HNRNPR: variants seen among roughly 807,000 people sequenced by gnomAD.
The protein encoded by HNRNPR is heterogeneous nuclear ribonucleoprotein R.
In HNRNPR, 4 loss-of-function variants were observed where a neutral mutation model predicts 70.3. That is an observed-to-expected ratio of 0.06 (90% CI 0.03 to 0.13). HNRNPR has a LOEUF of 0.13. Among genes scored for constraint, HNRNPR ranks in the 10% least tolerant of loss-of-function variants. The pLI, the probability that HNRNPR is intolerant of heterozygous loss-of-function variation, is 1.00. For missense variants in HNRNPR, 423 were observed against 788.5 expected (o/e 0.54, Z 5.55); for synonymous variants, 241 against 267.6 (o/e 0.90, Z 0.97).
chr1:23,311,144 T>C (rs1193249852), intron 10 of HNRNPR, 57 bp downstream of exon 10: 1 of 1,609,554 alleles, frequency 6.2e-7, no homozygotes, highest in Admixed American at 1.7e-5. Flanking sequence ...ATTAATCTGA[T>C]CTCCATTATC....
intron 5 of HNRNPR, among the ~76,000 whole-genome samples, chr1:23,328,032 T>G: frequency 6.7e-6 from 1 of 149,232 alleles, no homozygotes; most frequent in African/African-American, 2.5e-5. Flanking sequence ...AAAAGAAGTC[T>G]GAAGAAAGAG....
At chr1:23,332,607 G>A (rs1473206669) in intron 5 of HNRNPR, among the ~76,000 whole-genome samples, 1 of 151,356 alleles carries the variant, frequency 6.6e-6, no homozygotes, top group African/African-American at 2.4e-5. Context: ...GGCTGAGGCA[G>A]GAGAATCGCT....
At chr1:23,312,724 A>G (rs909194355) in intron 9 of HNRNPR, among the ~76,000 whole-genome samples, 3 of 152,200 alleles carry the variant, frequency 2.0e-5, no homozygotes, top group African/African-American at 7.2e-5. Flanking sequence ...AAACAAAACC[A>G]AAAAATGCTC....
chr1:23,316,388 C>G (rs1002650500), intron 8 of HNRNPR, among the ~76,000 whole-genome samples: 1 of 152,214 alleles, frequency 6.6e-6, no homozygotes, highest in East Asian at 1.9e-4. Flanking sequence ...CATTCTGAAA[C>G]CTGTTTTAGA....
intron 4 of HNRNPR, among the ~76,000 whole-genome samples, chr1:23,336,368 A>G (rs1043836444): frequency 4.6e-5 from 7 of 151,424 alleles, no homozygotes; most frequent in African/African-American, 1.7e-4. Flanking sequence ...GATTGAGACC[A>G]TCCTGGCTAA....
At chr1:23,327,376 T>C (rs1285720879) in intron 5 of HNRNPR, among the ~76,000 whole-genome samples, 1 of 152,202 alleles carries the variant, frequency 6.6e-6, no homozygotes, top group African/African-American at 2.4e-5. Flanking sequence ...TATATTCTAC[T>C]GAGAGAGACA....
At chr1:23,321,719 A>T in intron 6 of HNRNPR, 56 bp from the exon 7 acceptor site, 2 of 1,514,614 alleles carry the variant, frequency 1.3e-6, no homozygotes, top group Non-Finnish European at 1.8e-6. Flanking sequence ...AGGACAATTG[A>T]TCTTAATCTA....
rs141459677 is a variant in HNRNPR, at chr1:23,331,300, G to A, written c.498+2218C>T. Reference sequence around the variant, plus strand: ...TATTAGGCCAGACATGGTGACTCACGCCTGTAATCCCAGCATTTTGGGAGA... The same window carrying A: ...TATTAGGCCAGACATGGTGACTCACACCTGTAATCCCAGCATTTTGGGAGA... On this transcript the variant is annotated intron_variant, in intron 5 of 10. Transcript: ENST00000302271. Among the ~76,000 whole-genome samples the A allele has an allele frequency of 5.9e-3, 886 of 150,862 alleles. 15 individuals carry two copies. The highest frequency in any genetic ancestry group is 0.02 in the African/African-American group (834 of 40,894).
intron 5 of HNRNPR, among the ~76,000 whole-genome samples, chr1:23,325,009 C>G (rs1480184100): frequency 6.6e-6 from 1 of 150,808 alleles, no homozygotes; most frequent in South Asian, 2.1e-4. Context: ...GCGTGGTGGC[C>G]GGCGCCTGTA....
chr1:23,343,982 C>A (rs1303138110), intron 1 of HNRNPR, among the ~76,000 whole-genome samples: 1 of 152,138 alleles, frequency 6.6e-6, no homozygotes, highest in Non-Finnish European at 1.5e-5. Context: ...GCGGGCCGGA[C>A]CGCGGGCTAA....
chr1:23,341,317 G>A (rs11808137), intron 1 of HNRNPR, among the ~76,000 whole-genome samples: 8,128 of 152,170 alleles, frequency 0.053, 723 homozygotes, highest in African/African-American at 0.18. Context: ...TTCTGTCCTG[G>A]TGAAAAGATC....
intron 6 of HNRNPR, among the ~76,000 whole-genome samples, chr1:23,322,534 C>A (rs1245239455): frequency 6.6e-6 from 1 of 152,204 alleles, no homozygotes; most frequent in South Asian, 2.1e-4. Context: ...CCACACCTGG[C>A]CAATTTTAGC....
chr1:23,336,822 T>C (rs1256455286), intron 4 of HNRNPR, among the ~76,000 whole-genome samples: 1 of 151,382 alleles, frequency 6.6e-6, no homozygotes, highest in Non-Finnish European at 1.5e-5. Context: ...CGAGTATCCA[T>C]TTAACTAAGG....
At chr1:23,337,905 T>C in intron 3 of HNRNPR, 44 bp from the exon 4 acceptor site, 1 of 1,137,358 alleles carries the variant, frequency 8.8e-7, no homozygotes, top group Non-Finnish European at 1.3e-6. Flanking sequence ...ACCAAAAATA[T>C]CTGAAGGGTC....
intron 8 of HNRNPR, among the ~76,000 whole-genome samples, chr1:23,315,417 A>G (rs1318859432): frequency 6.6e-6 from 1 of 152,026 alleles, no homozygotes; most frequent in African/African-American, 2.4e-5. Context: ...TTTTTTAACT[A>G]TTTAGTAGTA....
intron 9 of HNRNPR, among the ~76,000 whole-genome samples, chr1:23,312,631 C>CATCAAT (rs1419962986): frequency 2.0e-5 from 3 of 152,154 alleles, no homozygotes; most frequent in Non-Finnish European, 4.4e-5. Context: ...CATTAATTAG[C>CATCAAT]TACCATCAAT....
chr1:23,321,968 A>G (rs1645777662), intron 6 of HNRNPR, among the ~76,000 whole-genome samples: 1 of 152,116 alleles, frequency 6.6e-6, no homozygotes, highest in Admixed American at 6.5e-5. Flanking sequence ...GATTTTTCAG[A>G]AAAAAATACC....
intron 9 of HNRNPR, chr1:23,311,550 C>T: frequency 2.7e-6 from 1 of 365,470 alleles, no homozygotes; most frequent in South Asian, 3.8e-5. Context: ...TAGAACAAAA[C>T]CGACCACCTG....
intron 4 of HNRNPR, among the ~76,000 whole-genome samples, chr1:23,336,542 A>C (rs1318074009): frequency 9.2e-5 from 12 of 129,880 alleles, no homozygotes; most frequent in Non-Finnish European, 1.3e-4. Flanking sequence ...ACTGCACTCC[A>C]GCCTGGGCGA....
Sources: allele counts gnomAD v4.1 joint callset (sites outside exome capture counted in the v4.1 genomes callset), GRCh38; gene constraint gnomAD v4.1.1; transcripts MANE v1.5; gene names NCBI Gene and HGNC (gene_info 2026-07-23, HGNC 2026-07-21).